The following SPTBN1 variants were observed in gnomAD, a reference collection of about 807,000 sequenced individuals.
SPTBN1 encodes spectrin beta chain, non-erythrocytic 1.
Under a neutral mutation model 266.4 loss-of-function variants are expected in SPTBN1, and 32 were observed. The observed-to-expected ratio is 0.12, with a 90% confidence interval of 0.09 to 0.16. The LOEUF is 0.16. Ranked by LOEUF, SPTBN1 falls within the 10% of genes least tolerant of loss-of-function variation. SPTBN1 has a pLI of 1.00. For missense variants in SPTBN1, 2,296 were observed against 3,067.1 expected, an observed-to-expected ratio of 0.75 and a Z score of 5.94; for synonymous variants, 1,336 against 1,162.2, an observed-to-expected ratio of 1.15 and a Z score of -3.04.
intron 3 of SPTBN1, among the ~76,000 whole-genome samples, chr2:54,601,084 G>GT (rs1676469673): frequency 6.6e-6 from 1 of 152,118 alleles, no homozygotes; most frequent in Admixed American, 6.5e-5. Context: ...TTTGTTAGCA[G>GT]TAAGTTTTTT....
chr2:54,543,109 C>T (rs1347594875), intron 2 of SPTBN1, among the ~76,000 whole-genome samples: 3 of 152,088 alleles, frequency 2.0e-5, no homozygotes, highest in African/African-American at 4.8e-5. Flanking sequence ...CTGTCCATCT[C>T]GGGGCTGATG....
chr2:54,508,072 AAG>A (rs2104187283), intron 1 of SPTBN1, among the ~76,000 whole-genome samples: 1 of 152,310 alleles, frequency 6.6e-6, no homozygotes, highest in Non-Finnish European at 1.5e-5. Flanking sequence ...TATCCACTTA[AAG>A]AGAGACTTAA....
chr2:54,658,504 T>C (rs191500593), intron 30 of SPTBN1, among the ~76,000 whole-genome samples: 4 of 152,310 alleles, frequency 2.6e-5, no homozygotes, highest in African/African-American at 9.6e-5. Context: ...AGAATAGGAT[T>C]TGTGCACTGG....
intron 1 of SPTBN1, among the ~76,000 whole-genome samples, chr2:54,465,638 T>A (rs13384000): frequency 0.02 from 1,724 of 86,850 alleles, 58 homozygotes; most frequent in African/African-American, 0.057. Context: ...CATGTTTATC[T>A]CATATATATA....
chr2:54,487,170 C>CTTTTTTTTTTTTTTTTTTTT lies in SPTBN1; in HGVS notation c.-48+30653_-48+30672dup, dbSNP rs34779689. On this transcript the variant is annotated intron_variant, in intron 1 of 35. Coordinates refer to ENST00000356805, the MANE Select transcript of SPTBN1 (RefSeq NM_003128.3). Reference sequence around the variant, plus strand: ...TTTTCTGATTTCCTCATTAGGATTTCTTTTTTTTTTTTTTTTTTTTGCTGC... The same window carrying CTTTTTTTTTTTTTTTTTTTT: ...TTTTCTGATTTCCTCATTAGGATTTCTTTTTTTTTTTTTTTTTTTTTTTTTTTTTTTTTTTTTTTTGCTGC... Among the ~76,000 whole-genome samples, 3 of 98,588 alleles carry CTTTTTTTTTTTTTTTTTTTT rather than the reference C, an allele frequency of 3.0e-5. 1 individual carries two copies. The highest frequency in any genetic ancestry group is 5.8e-5 in the Non-Finnish European group (3 of 51,328). The allele number at this position is 98,588 out of a possible 152,430, so 64.7% of individuals were successfully genotyped here.
At chr2:54,457,510 T>A (rs946740089) in intron 1 of SPTBN1, among the ~76,000 whole-genome samples, 1 of 152,068 alleles carries the variant, frequency 6.6e-6, no homozygotes, top group African/African-American at 2.4e-5. Flanking sequence ...AGGGTGCGTG[T>A]GGGGGTGCTT....
chr2:54,557,867 A>G, intron 2 of SPTBN1: 1 of 985,332 alleles, frequency 1.0e-6, no homozygotes, highest in Non-Finnish European at 1.2e-6. Context: ...GCGCCCTGAG[A>G]GTGACTTTGT....
intron 18 of SPTBN1, among the ~76,000 whole-genome samples, chr2:54,640,329 C>G (rs17046066): frequency 0.024 from 3,597 of 152,190 alleles, 83 homozygotes; most frequent in South Asian, 0.062. Context: ...GGGTTTGTCT[C>G]TTTGTTCAGC....
At chr2:54,667,458 C>A (rs1257344955) in intron 34 of SPTBN1, 146 bp from the exon 35 acceptor site, 6 of 650,884 alleles carry the variant, frequency 9.2e-6, no homozygotes, top group Non-Finnish European at 1.6e-5. Flanking sequence ...CTGGGCGGGT[C>A]CCCAGGCTTG....
chr2:54,579,444 C>CA (rs1491576554), intron 2 of SPTBN1, among the ~76,000 whole-genome samples: 1 of 128,110 alleles, frequency 7.8e-6, no homozygotes, highest in East Asian at 2.0e-4. Context: ...CCCCATCTTT[C>CA]ACACTCACCC....
intron 1 of SPTBN1, among the ~76,000 whole-genome samples, chr2:54,495,700 A>T (rs77311627): frequency 0.011 from 1,087 of 101,952 alleles, 16 homozygotes; most frequent in African/African-American, 0.027. Context: ...TCCTCTGAGC[A>T]TTATTCCATG....
chr2:54,549,979 T>A (rs1447101847), intron 2 of SPTBN1, among the ~76,000 whole-genome samples: 1 of 152,172 alleles, frequency 6.6e-6, no homozygotes, highest in Non-Finnish European at 1.5e-5. Context: ...AGCCTGAGCA[T>A]GGGAATGCCA....
chr2:54,477,781 G>T (rs985317571), intron 1 of SPTBN1, among the ~76,000 whole-genome samples: 6 of 152,106 alleles, frequency 3.9e-5, no homozygotes, highest in Non-Finnish European at 5.9e-5. Context: ...CATGGTGGCG[G>T]GTGCCCGTTA....
rs1184786702 is a variant in SPTBN1, at chr2:54,645,861, C to T, written c.4495-67C>T. On this transcript the variant is annotated intron_variant, in intron 21 of 35. Coordinates refer to ENST00000356805, the MANE Select transcript of SPTBN1 (RefSeq NM_003128.3). The surrounding 1 kb of genome is among the most constrained non-coding windows in gnomAD (Gnocchi z 4.3). ...CCTTGCTGTCCCTCACTGCCCCTCA[C>T]TGCTCGTTTGTGTCGTATATTTGTT... 6.4e-7 allele frequency: 1 copy of T among 1,567,568 alleles called. No homozygotes were observed. The highest frequency in any genetic ancestry group is 1.7e-5 in the Admixed American group (1 of 59,622).
chr2:54,479,478 G>A (rs1251058470), intron 1 of SPTBN1, among the ~76,000 whole-genome samples: 1 of 152,150 alleles, frequency 6.6e-6, no homozygotes, highest in African/African-American at 2.4e-5. Context: ...GTGGTCTTTG[G>A]TAGGTGAACA....
chr2:54,570,397 C>G (rs1460845894), intron 2 of SPTBN1, among the ~76,000 whole-genome samples: 1 of 152,122 alleles, frequency 6.6e-6, no homozygotes, highest in African/African-American at 2.4e-5. Flanking sequence ...TGAAATTATG[C>G]AAGTGGAAAG....
chr2:54,608,861 A>AT (rs1407151976), intron 3 of SPTBN1, among the ~76,000 whole-genome samples: 1 of 152,120 alleles, frequency 6.6e-6, no homozygotes, highest in Non-Finnish European at 1.5e-5. Context: ...CAATTAACAT[A>AT]TTTTGCATGT....
intron 3 of SPTBN1, among the ~76,000 whole-genome samples, chr2:54,609,330 A>T (rs1323710953): frequency 1.3e-5 from 2 of 151,954 alleles, no homozygotes; most frequent in Non-Finnish European, 2.9e-5. Flanking sequence ...TCACCCCTCT[A>T]CCTTTTTGCC....
intron 1 of SPTBN1, among the ~76,000 whole-genome samples, chr2:54,492,994 A>C (rs1037986197): frequency 6.7e-6 from 1 of 148,836 alleles, no homozygotes; most frequent in Non-Finnish European, 1.5e-5. Context: ...AGAACTAAAT[A>C]ACATATCTTT....
Sources: gnomAD v4.1 joint callset for allele counts (sites outside exome capture counted in the v4.1 genomes callset) on GRCh38, gnomAD v4.1.1 for gene constraint, Gnocchi (gnomAD v3.1) non-coding constraint, MANE v1.5 for transcripts, NCBI Gene and HGNC (gene_info 2026-07-23, HGNC 2026-07-21) for gene names.